YAF2: variants seen among roughly 807,000 people sequenced by gnomAD.
The protein encoded by YAF2 is YY1-associated factor 2.
A neutral mutation model predicts 20.1 loss-of-function variants in YAF2; 7 were observed. The ratio of observed to expected loss-of-function variants is 0.35; its 90% CI spans 0.20 to 0.65. YAF2 has a LOEUF of 0.65. YAF2 is among the 30% of genes least tolerant of loss of function. YAF2 has a pLI of 0.69. For synonymous variants in YAF2, 74 were observed against 76.0 expected (o/e 0.97, Z 0.14); for missense variants, 151 against 219.2 (o/e 0.69, Z 1.96).
At chr12:42,166,233 T>C (rs1393417241) in intron 2 of YAF2, among the ~76,000 whole-genome samples, 1 of 152,118 alleles carries the variant, frequency 6.6e-6, no homozygotes, top group Non-Finnish European at 1.5e-5. Flanking sequence ...TTCTAATAGG[T>C]TTTAGCTTTT....
intron 2 of YAF2, among the ~76,000 whole-genome samples, chr12:42,167,915 G>A (rs993476145): frequency 1.8e-4 from 28 of 152,268 alleles, no homozygotes; most frequent in East Asian, 3.9e-4. Context: ...TCAAGTCATC[G>A]TCTGGCTTTG....
chr12:42,212,812 CA>C (rs2067249852), intron 2 of YAF2, among the ~76,000 whole-genome samples: 1 of 152,116 alleles, frequency 6.6e-6, no homozygotes, highest in South Asian at 2.1e-4. Flanking sequence ...TTAAGTATAA[CA>C]GTAATAAATC....
chr12:42,227,143 C>A (rs1459272807), intron 2 of YAF2, among the ~76,000 whole-genome samples: 1 of 145,846 alleles, frequency 6.9e-6, no homozygotes, highest in Non-Finnish European at 1.5e-5. Context: ...CCGGCGAGCG[C>A]CGCCCGGGAG....
In YAF2 at chr12:42,187,451, T is replaced by C. The variant is rs142109253; in HGVS notation, c.153-25686A>G. ...CTGGGATTACAGCCCACCTTGTTTTTATTATTGAAGATGTAATCTTTTTTT... is the reference window on the plus strand; with the variant it reads ...CTGGGATTACAGCCCACCTTGTTTTCATTATTGAAGATGTAATCTTTTTTT... On this transcript the variant is annotated intron_variant, in intron 2 of 3. Coordinates refer to ENST00000534854, the MANE Select transcript of YAF2 (RefSeq NM_005748.6). Among the ~76,000 whole-genome samples, 76 of 152,272 alleles carry C rather than the reference T, an allele frequency of 5.0e-4. 2 individuals carry two copies. The highest frequency in any genetic ancestry group is 1.8e-3 in the African/African-American group (75 of 41,568).
intron 2 of YAF2, chr12:42,232,982 T>C: frequency 1.0e-6 from 1 of 985,424 alleles, no homozygotes; most frequent in Non-Finnish European, 1.2e-6. Flanking sequence ...TTAAAGCGGT[T>C]CTAATTTGCA....
chr12:42,198,856 G>C (rs2066824852), intron 2 of YAF2, among the ~76,000 whole-genome samples: 1 of 152,162 alleles, frequency 6.6e-6, no homozygotes. Flanking sequence ...AATGCTCTAA[G>C]TCTGTGCTGT....
chr12:42,201,018 C>G (rs547440248), intron 2 of YAF2, among the ~76,000 whole-genome samples: 1 of 152,220 alleles, frequency 6.6e-6, no homozygotes, highest in South Asian at 2.1e-4. Flanking sequence ...CAATACAGAA[C>G]CTAGACACAG....
chr12:42,215,743 G>A (rs1156436495), intron 2 of YAF2, among the ~76,000 whole-genome samples: 2 of 151,964 alleles, frequency 1.3e-5, no homozygotes, highest in Non-Finnish European at 2.9e-5. Flanking sequence ...CCAACATGGC[G>A]AAACCCTGTC....
intron 2 of YAF2, chr12:42,234,731 T>A: frequency 1.0e-6 from 1 of 983,698 alleles, no homozygotes; most frequent in Non-Finnish European, 1.2e-6. Context: ...CTCATTCCTA[T>A]AATCCCAGTT....
At chr12:42,222,348 A>AG (rs1453456279) in intron 2 of YAF2, among the ~76,000 whole-genome samples, 1 of 152,216 alleles carries the variant, frequency 6.6e-6, no homozygotes, top group Non-Finnish European at 1.5e-5. Flanking sequence ...AAGCAAAAAA[A>AG]CCTTTCATTC....
intron 2 of YAF2, chr12:42,210,807 C>T (rs2067186922): frequency 1.2e-6 from 1 of 801,974 alleles, no homozygotes; most frequent in African/African-American, 1.7e-5. Context: ...AAACAATTTG[C>T]TAAATATAAT....
chr12:42,196,187 A>T (rs942289510), intron 2 of YAF2, among the ~76,000 whole-genome samples: 15 of 141,992 alleles, frequency 1.1e-4, no homozygotes, highest in African/African-American at 2.9e-4. Context: ...AGATCACGCC[A>T]CTGCACTCCA....
chr12:42,233,154 C>G (rs1005357020), intron 2 of YAF2: 1 of 985,278 alleles, frequency 1.0e-6, no homozygotes, highest in African/African-American at 1.7e-5. Flanking sequence ...TTACCAAAAT[C>G]ATACTAGTGT....
intron 2 of YAF2, among the ~76,000 whole-genome samples, chr12:42,227,311 C>T (rs9668209): frequency 0.068 from 2,639 of 38,842 alleles, 535 homozygotes; most frequent in African/African-American, 0.27. Context: ...TCGTCTGCGA[C>T]GTGAGGAGCC....
At chr12:42,222,295 T>A (rs1203709427) in intron 2 of YAF2, among the ~76,000 whole-genome samples, 2 of 152,336 alleles carry the variant, frequency 1.3e-5, no homozygotes, top group East Asian at 3.8e-4. Context: ...TTAAACTTTC[T>A]ACCAATGTTG....
intron 2 of YAF2, among the ~76,000 whole-genome samples, chr12:42,201,183 T>C (rs1230172991): frequency 6.6e-6 from 1 of 152,214 alleles, no homozygotes; most frequent in Non-Finnish European, 1.5e-5. Context: ...TCCAAATGAA[T>C]ATCCATGTAC....
At chr12:42,223,789 A>G (rs1362993086) in intron 2 of YAF2, among the ~76,000 whole-genome samples, 1 of 139,026 alleles carries the variant, frequency 7.2e-6, no homozygotes, top group Non-Finnish European at 1.5e-5. Flanking sequence ...AAAACCTAAC[A>G]CCGCATGTTC....
At chr12:42,204,265 C>T (rs879424873) in intron 2 of YAF2, among the ~76,000 whole-genome samples, 2 of 152,172 alleles carry the variant, frequency 1.3e-5, no homozygotes, top group Non-Finnish European at 2.9e-5. Flanking sequence ...AAAGTTTAAA[C>T]ACGAAGTATC....
At chr12:42,210,853 G>A (rs2067187944) in intron 2 of YAF2, 1 of 493,964 alleles carries the variant, frequency 2.0e-6, no homozygotes, top group East Asian at 3.5e-5. Flanking sequence ...AGAAACATAA[G>A]GAAATCATTA....
Sources: gnomAD v4.1 joint callset for allele counts (sites outside exome capture counted in the v4.1 genomes callset) on GRCh38, gnomAD v4.1.1 for gene constraint, MANE v1.5 for transcripts, NCBI Gene and HGNC (gene_info 2026-07-23, HGNC 2026-07-21) for gene names.